Variants in OR2T6 observed in about 807,000 individuals in gnomAD.
OR2T6 encodes the protein olfactory receptor family 2 subfamily T member 6.
For missense variants in OR2T6, 424 were observed against 391.6 expected, an observed-to-expected ratio of 1.08 and a Z score of -0.70; for synonymous variants, 174 against 148.0, an observed-to-expected ratio of 1.18 and a Z score of -1.27.
At chr1:248,386,170 G>C (rs1033499829) in intron 2 of OR2T6, among the ~76,000 whole-genome samples, 24 of 152,110 alleles carry the variant, frequency 1.6e-4, no homozygotes, top group African/African-American at 5.8e-4. Flanking sequence ...CACACAGAAG[G>C]GTCCAAGAAT....
At position 248,388,413 on chromosome 1, in the gene OR2T6, A is replaced by G. The variant is rs771583152; in HGVS notation, c.805A>G (p.Ile269Val). The G allele has an allele frequency of 2.1e-5, 34 of 1,613,486 alleles. No homozygotes were observed. The highest frequency in any genetic ancestry group is 2.7e-5 in the African/African-American group (2 of 74,828). ...GCTTCCCCAATCTTACCACACCCCA[A>G]TCAAAGATAAGGTCTTCTCTGCCTT... ...YTLPQSYHTP[I>V]KDKVFSAFYT... The change falls in exon 3 of 3, where the codon ATC becomes GTC. Residue 269 changes from isoleucine (I) to valine (V), a missense_variant. Physicochemically the swap from Ile to Val is conservative, Grantham distance 29 (BLOSUM62 3). Transcript: ENST00000641644.
At chr1:248,381,018 C>T (rs1267064459) in intron 1 of OR2T6, among the ~76,000 whole-genome samples, 3 of 151,874 alleles carry the variant, frequency 2.0e-5, no homozygotes, top group South Asian at 2.1e-4. Flanking sequence ...ACTTTGAAAG[C>T]GGATGTTTAC....
At position 248,388,193 on chromosome 1, in the gene OR2T6, T is replaced by G; in HGVS notation, c.585T>G (p.Tyr195Ter). The G allele has an allele frequency of 1.9e-6, 3 of 1,613,896 alleles. No individual in the cohort carries two copies. Among genetic ancestry groups the G allele is most frequent in the Non-Finnish European group, 2.5e-6 (3 of 1,180,008 alleles). The change falls in exon 3 of 3, where the codon TAT becomes TAG. Residue 195 changes from tyrosine (Y) to a stop codon, truncating the protein, a stop_gained. Coordinates refer to ENST00000641644, the MANE Select transcript of OR2T6 (RefSeq NM_001005471.2). LOFTEE classifies it low-confidence loss of function (END_TRUNC). ...LRLACGDKTT[Y>*]ETVMYVCCVA... ...TGGCCTGTGGGGACAAAACCACCTA[T>G]GAAACAGTGATGTATGTGTGCTGCG...
At chr1:248,381,995 G>A (rs185857987) in intron 1 of OR2T6, among the ~76,000 whole-genome samples, 18 of 152,248 alleles carry the variant, frequency 1.2e-4, no homozygotes, top group Admixed American at 1.2e-3. Context: ...ACTGATGTGT[G>A]TGAATGATGT....
In OR2T6 at chr1:248,388,609, T is replaced by C. The variant is rs910568904; in HGVS notation, c.*74T>C. On this transcript the variant is annotated 3_prime_UTR_variant, in exon 3 of 3. Coordinates refer to ENST00000641644, the MANE Select transcript of OR2T6 (RefSeq NM_001005471.2). ...ACATCCTGTTCAGGCATATATGGGG[T>C]CGTATCATGGATACCACGGATGATG... 3.4e-6 allele frequency: 4 copies of C among 1,161,736 alleles called. No homozygotes were observed. In the Admixed American group the frequency reaches 7.4e-5, roughly 21 times the overall value. 72.0% of individuals were successfully genotyped at this position (1,161,736 alleles called of 1,614,324 possible). A position where few individuals can be genotyped will look rare whatever the true frequency, so the allele number is the denominator to read the frequency against.
intron 1 of OR2T6, among the ~76,000 whole-genome samples, chr1:248,380,214 T>C (rs1003700337): frequency 1.3e-5 from 2 of 152,052 alleles, no homozygotes; most frequent in African/African-American, 2.4e-5. Context: ...CATACAAAAC[T>C]ATACTTTAAA....
Position 248,389,574 on chromosome 1 carries a change from A to G in OR2T6, c.*1039A>G, listed in dbSNP as rs1054789237. 6.6e-5 allele frequency: 10 copies of G among 152,084 alleles called. No homozygotes were observed. Among genetic ancestry groups the G allele is most frequent in the Non-Finnish European group, 1.0e-4 (7 of 68,028 alleles). The allele number at this position is 152,084 out of a possible 1,614,324, so 9.4% of individuals were successfully genotyped here. On this transcript the variant is annotated 3_prime_UTR_variant, in exon 3 of 3. Coordinates refer to ENST00000641644, the MANE Select transcript of OR2T6 (RefSeq NM_001005471.2). ...CCACAAATGCTTGTGTCTTTCCACA[A>G]TGTCAGGATTTTATTGATGCTGTTT...
intron 1 of OR2T6, among the ~76,000 whole-genome samples, chr1:248,377,226 G>A (rs867967923): frequency 5.3e-5 from 8 of 152,330 alleles, no homozygotes; most frequent in African/African-American, 1.7e-4. Context: ...CTTTTCCAAA[G>A]ATCAGTTTTA....
At chr1:248,378,191 C>T (rs1572865578) in intron 1 of OR2T6, among the ~76,000 whole-genome samples, 2 of 152,190 alleles carry the variant, frequency 1.3e-5, no homozygotes, top group East Asian at 1.9e-4. Context: ...TTGCTAAATG[C>T]CAGACGCTTA....
chr1:248,380,019 A>G (rs879468677), intron 1 of OR2T6, among the ~76,000 whole-genome samples: 2 of 151,782 alleles, frequency 1.3e-5, no homozygotes, highest in African/African-American at 2.4e-5. Flanking sequence ...CCCCCCACCT[A>G]TATGTGTGTG....
At chr1:248,380,253 A>G (rs1361521179) in intron 1 of OR2T6, among the ~76,000 whole-genome samples, 1 of 152,028 alleles carries the variant, frequency 6.6e-6, no homozygotes, top group Non-Finnish European at 1.5e-5. Context: ...ATTTCAAACT[A>G]TATTAATATA....
Position 248,387,872 on chromosome 1 carries a change from C to A in OR2T6, c.264C>A (p.Gly88=). 2 of 1,596,332 alleles carry A rather than the reference C, an allele frequency of 1.3e-6. No homozygotes were observed. The highest frequency in any genetic ancestry group is 1.7e-6 in the Non-Finnish European group (2 of 1,168,502). ...AGATGCTGGTAGATTATCTCATGGG[C>A]GAGGGGACCATCTCTTTCATCGCCT... The part of the protein sequence containing the change: ...VPKMLVDYLM[G]EGTISFIACT... Residue 88 remains glycine, a synonymous_variant, in exon 3 of 3, where the codon GGC becomes GGA. Transcript: ENST00000641644.
intron 1 of OR2T6, among the ~76,000 whole-genome samples, chr1:248,378,251 C>T (rs575046123): frequency 6.6e-6 from 1 of 152,280 alleles, no homozygotes; most frequent in Non-Finnish European, 1.5e-5. Context: ...GTGTGATGTT[C>T]CCCGCTTCTT....
intron 1 of OR2T6, among the ~76,000 whole-genome samples, chr1:248,376,642 T>A (rs201560912): frequency 0.2 from 30,958 of 151,522 alleles, 3,421 homozygotes; most frequent in East Asian, 0.41. Flanking sequence ...TGTATTTAAT[T>A]TTTTTAATTT....
Position 248,387,904 on chromosome 1 carries a change from C to CTCAGTGCTT in OR2T6, c.299_307dup (p.Gln100_Phe102dup), listed in dbSNP as rs1296520405. On this transcript the variant is annotated inframe_insertion, in exon 3 of 3. Transcript: ENST00000641644. ...ACCATCTCTTTCATCGCCTGCACTG[C>CTCAGTGCTT]TCAGTGCTTTCTCTACATGGGCTTT... 1 of 1,602,600 alleles carries CTCAGTGCTT rather than the reference C, an allele frequency of 6.2e-7. No individual in the cohort carries two copies. The highest frequency in any genetic ancestry group is 8.5e-7 in the Non-Finnish European group (1 of 1,174,162).
At chr1:248,380,205 A>G (rs1661007270) in intron 1 of OR2T6, among the ~76,000 whole-genome samples, 1 of 152,034 alleles carries the variant, frequency 6.6e-6, no homozygotes, top group Non-Finnish European at 1.5e-5. Flanking sequence ...GCATGCACTC[A>G]TACAAAACTA....
In OR2T6 at chr1:248,388,479, A is replaced by G. The variant is rs1266238746; in HGVS notation, c.871A>G (p.Ser291Gly). The G allele has an allele frequency of 6.2e-7, 1 of 1,602,912 alleles. No homozygotes were observed. The highest frequency in any genetic ancestry group is 8.5e-7 in the Non-Finnish European group (1 of 1,174,536). ...ACCCTTATTAAACCCTCTCATCTAC[A>G]GTCTGAGGAACAGGGATGTGATGGG... ...LTPLLNPLIY[S>G]LRNRDVMGAL... Residue 291 changes from serine to glycine, a missense_variant, in exon 3 of 3, where the codon AGT becomes GGT. Coordinates refer to ENST00000641644, the MANE Select transcript of OR2T6 (RefSeq NM_001005471.2).
Position 248,388,493 on chromosome 1 carries a change from G to A in OR2T6, c.885G>A (p.Arg295=), listed in dbSNP as rs1316438468. The change falls in exon 3 of 3, where the codon AGG becomes AGA. Residue 295 remains arginine, a synonymous_variant. Transcript: ENST00000641644. ...LNPLIYSLRN[R]DVMGALKRVV... ...CTCTCATCTACAGTCTGAGGAACAG[G>A]GATGTGATGGGTGCCTTGAAGAGAG... 2 of 1,591,894 alleles carry A rather than the reference G, an allele frequency of 1.3e-6. No homozygotes were observed. The highest frequency in any genetic ancestry group is 8.5e-7 in the Non-Finnish European group (1 of 1,169,734).
intron 1 of OR2T6, among the ~76,000 whole-genome samples, chr1:248,377,598 T>C (rs946065975): frequency 2.0e-5 from 3 of 152,216 alleles, no homozygotes; most frequent in Non-Finnish European, 4.4e-5. Flanking sequence ...TCAGAGCGCG[T>C]CACAGAAAGA....
Sources: gnomAD v4.1 joint callset for allele counts (sites outside exome capture counted in the v4.1 genomes callset) on GRCh38, gnomAD v4.1.1 for gene constraint, MANE v1.5 for transcripts, NCBI Gene and HGNC (gene_info 2026-07-23, HGNC 2026-07-21) for gene names.